Variants in ASB7 observed in about 807,000 individuals in gnomAD.
The protein encoded by ASB7 is ankyrin repeat and SOCS box containing 7, also known as ankyrin repeat and SOCS box protein 7.
Under a neutral mutation model 32.5 loss-of-function variants are expected in ASB7, and 4 were observed. The observed-to-expected ratio is 0.12, with a 90% CI of 0.06 to 0.28. The LOEUF (loss-of-function observed/expected upper bound fraction) is 0.28, where lower values mean the gene tolerates loss of function less well. ASB7 is among the 10% of genes least tolerant of loss of function. The pLI, the probability that ASB7 is intolerant of heterozygous loss-of-function variation, is 1.00. For synonymous variants in ASB7, 172 were observed against 155.6 expected (o/e 1.11, Z -0.78); for missense variants, 181 against 407.1 (o/e 0.44, Z 4.78).
chr15:100,639,163 T>C (rs1236732074), intron 5 of ASB7, among the ~76,000 whole-genome samples: 1 of 152,216 alleles, frequency 6.6e-6, no homozygotes, highest in East Asian at 1.9e-4. Context: ...CTGACATGTA[T>C]TTCTAAAAGA....
intron 5 of ASB7, among the ~76,000 whole-genome samples, chr15:100,635,848 T>C (rs2039918699): frequency 6.6e-6 from 1 of 152,210 alleles, no homozygotes; most frequent in Admixed American, 6.5e-5. Flanking sequence ...GCTTTCCTCG[T>C]GGCTCTGAGA....
intron 5 of ASB7, chr15:100,646,316 A>C: frequency 2.6e-6 from 1 of 387,770 alleles, no homozygotes; most frequent in Non-Finnish European, 5.2e-6. Context: ...GAACCAGTCA[A>C]GATCCATACC....
At chr15:100,632,577 A>G (rs558949143) in intron 5 of ASB7, among the ~76,000 whole-genome samples, 8 of 152,320 alleles carry the variant, frequency 5.3e-5, no homozygotes, top group Admixed American at 2.0e-4. Flanking sequence ...GCACTAAATC[A>G]AAGCTGAGAG....
intron 5 of ASB7, among the ~76,000 whole-genome samples, chr15:100,637,921 C>T (rs1404457519): frequency 1.3e-5 from 2 of 149,196 alleles, no homozygotes; most frequent in African/African-American, 2.5e-5. Context: ...AGGTGCTGTT[C>T]TCGCAAAAAT....
intron 2 of ASB7, among the ~76,000 whole-genome samples, chr15:100,604,575 G>C (rs1596994024): frequency 6.6e-6 from 1 of 152,138 alleles, no homozygotes; most frequent in Non-Finnish European, 1.5e-5. Context: ...TTAAGACATA[G>C]CTAAAGAGAT....
intron 4 of ASB7, among the ~76,000 whole-genome samples, chr15:100,627,640 A>C (rs1484430724): frequency 6.6e-6 from 1 of 152,242 alleles, no homozygotes; most frequent in Non-Finnish European, 1.5e-5. Flanking sequence ...CCAAAGATGC[A>C]AGTGCAGTGT....
At chr15:100,612,006 T>G (rs1482872389) in intron 3 of ASB7, among the ~76,000 whole-genome samples, 160 bp from the exon 4 acceptor site, 1 of 152,024 alleles carries the variant, frequency 6.6e-6, no homozygotes, top group Non-Finnish European at 1.5e-5. Flanking sequence ...CCTGAGTTGC[T>G]GGGACTATAG....
intron 5 of ASB7, among the ~76,000 whole-genome samples, chr15:100,630,892 A>G (rs979581023): frequency 1.3e-5 from 2 of 152,092 alleles, no homozygotes; most frequent in Non-Finnish European, 1.5e-5. Context: ...GAACTTTTTA[A>G]TGAGTTCCTT....
At chr15:100,620,005 T>C (rs1055706931) in intron 4 of ASB7, among the ~76,000 whole-genome samples, 3 of 152,202 alleles carry the variant, frequency 2.0e-5, no homozygotes, top group Non-Finnish European at 4.4e-5. Flanking sequence ...AAAGTTCAGT[T>C]CCTCGGACAC....
intron 2 of ASB7, among the ~76,000 whole-genome samples, chr15:100,604,871 A>T (rs2039628540): frequency 6.6e-6 from 1 of 152,242 alleles, no homozygotes; most frequent in Non-Finnish European, 1.5e-5. Flanking sequence ...GAACTTTTAA[A>T]AAATGCTAAA....
At chr15:100,631,514 G>A (rs1375050611) in intron 5 of ASB7, among the ~76,000 whole-genome samples, 5 of 152,098 alleles carry the variant, frequency 3.3e-5, no homozygotes, top group Admixed American at 3.3e-4. Context: ...CCTTGTTGTT[G>A]TTCTCTCAAC....
intron 4 of ASB7, among the ~76,000 whole-genome samples, chr15:100,618,778 A>G (rs913445335): frequency 6.6e-6 from 1 of 152,188 alleles, no homozygotes; most frequent in Non-Finnish European, 1.5e-5. Context: ...TTGGGCCCCA[A>G]GATGCAGAAA....
chr15:100,625,786 G>A (rs935977615), intron 4 of ASB7, among the ~76,000 whole-genome samples: 2 of 152,318 alleles, frequency 1.3e-5, no homozygotes, highest in East Asian at 1.9e-4. Context: ...ATAAGCTACA[G>A]TAGTCAAGAC....
rs532368672 is a variant in ASB7, at chr15:100,632,392, T to C, written c.817+2350T>C. ...TTAGTATTTCTTGACTCTCCAGTGGTGTTTCCTGCCAAAAGCAAATTTGGT... is the reference window on the plus strand; with the variant it reads ...TTAGTATTTCTTGACTCTCCAGTGGCGTTTCCTGCCAAAAGCAAATTTGGT... On this transcript the variant is annotated intron_variant, in intron 5 of 5. Coordinates refer to ENST00000332783, the MANE Select transcript of ASB7 (RefSeq NM_198243.3). Among the ~76,000 whole-genome samples, 3 of 152,334 alleles carry C rather than the reference T, an allele frequency of 2.0e-5. No individual in the cohort carries two copies. The South Asian group carries it at 6.2e-4, about 32-fold the overall frequency.
intron 5 of ASB7, among the ~76,000 whole-genome samples, chr15:100,632,914 G>C (rs2039894724): frequency 6.6e-6 from 1 of 151,042 alleles, no homozygotes; most frequent in African/African-American, 2.4e-5. Context: ...ACATCTGCTT[G>C]TGACTTGTTA....
At chr15:100,640,979 G>GT (rs2039957040) in intron 5 of ASB7, among the ~76,000 whole-genome samples, 1 of 152,148 alleles carries the variant, frequency 6.6e-6, no homozygotes, top group South Asian at 2.1e-4. Context: ...ATACCTGGTA[G>GT]TTTTTTGTGC....
intron 4 of ASB7, among the ~76,000 whole-genome samples, chr15:100,614,348 A>G (rs934673167): frequency 1.3e-5 from 2 of 152,180 alleles, no homozygotes; most frequent in Non-Finnish European, 2.9e-5. Context: ...TTGAACATCA[A>G]TGATAATACT....
Position 100,603,063 on chromosome 15 carries a change from C to A in ASB7, c.-273+17C>A. ...AGGAGACAGGTAAAGTCCTTTACTT[C>A]CCCCGAGGGGAAGAGTGCTGGCTGG... On this transcript the variant is annotated intron_variant, in intron 1 of 5. Coordinates refer to ENST00000332783, the MANE Select transcript of ASB7 (RefSeq NM_198243.3). 1 of 399,200 alleles carries A rather than the reference C, an allele frequency of 2.5e-6. No homozygotes were observed. Among genetic ancestry groups the A allele is most frequent in the Non-Finnish European group, 4.4e-6 (1 of 226,514 alleles). The allele number at this position is 399,200 out of a possible 1,614,324, so 24.7% of individuals were successfully genotyped here.
intron 2 of ASB7, among the ~76,000 whole-genome samples, chr15:100,606,741 T>G (rs1300393062): frequency 2.0e-5 from 3 of 152,236 alleles, no homozygotes; most frequent in African/African-American, 7.2e-5. Context: ...CTTCCTTGTT[T>G]GTTTGCTTTT....
Sources: gnomAD v4.1 joint callset for allele counts (sites outside exome capture counted in the v4.1 genomes callset) on GRCh38, gnomAD v4.1.1 for gene constraint, MANE v1.5 for transcripts, NCBI Gene and HGNC (gene_info 2026-07-23, HGNC 2026-07-21) for gene names.